Variants in KALRN observed in about 807,000 individuals in gnomAD.
KALRN encodes kalirin.
Under a neutral mutation model 353.7 loss-of-function variants are expected in KALRN, and 70 were observed. The ratio of observed to expected loss-of-function variants is 0.20; its 90% confidence interval spans 0.16 to 0.24. The LOEUF (loss-of-function observed/expected upper bound fraction) is 0.24, where lower values mean the gene tolerates loss of function less well. KALRN is among the 10% of genes least tolerant of loss of function. The pLI is 1.00. For missense variants in KALRN, 2,791 were observed against 3,756.7 expected, an observed-to-expected ratio of 0.74 and a Z score of 6.72; for synonymous variants, 1,391 against 1,434.8, an observed-to-expected ratio of 0.97 and a Z score of 0.69.
At chr3:124,314,530 T>C (rs1241047324) in intron 6 of KALRN, among the ~76,000 whole-genome samples, 2 of 152,052 alleles carry the variant, frequency 1.3e-5, no homozygotes, top group Non-Finnish European at 2.9e-5. Context: ...ATCTGGGTAA[T>C]TTATAAAGAG....
intron 34 of KALRN, among the ~76,000 whole-genome samples, chr3:124,567,981 A>G (rs952793108): frequency 6.1e-5 from 9 of 148,448 alleles, no homozygotes; most frequent in East Asian, 1.9e-4. Flanking sequence ...TCTCAGGGGG[A>G]AAAAAAAAGA....
At chr3:124,659,332 CT>C in intron 42 of KALRN, 32 bp from the exon 43 acceptor site, 1 of 1,490,524 alleles carries the variant, frequency 6.7e-7, no homozygotes, top group Non-Finnish European at 9.4e-7. Flanking sequence ...TCTTCAGTTC[CT>C]TTTTCTTCTA....
chr3:124,244,509 T>A (rs1163681528), intron 3 of KALRN, among the ~76,000 whole-genome samples: 5 of 152,220 alleles, frequency 3.3e-5, no homozygotes, highest in Non-Finnish European at 7.3e-5. Context: ...AGTGCTAGGA[T>A]TACAGGCGTG....
At chr3:124,073,015 A>G (rs1426070081) in intron 1 of KALRN, among the ~76,000 whole-genome samples, 1 of 152,140 alleles carries the variant, frequency 6.6e-6, no homozygotes, top group Non-Finnish European at 1.5e-5. Flanking sequence ...CCTTGATTAC[A>G]TGTTCATCAT....
At chr3:124,561,644 G>A (rs769555185) in intron 33 of KALRN, among the ~76,000 whole-genome samples, 5 of 152,170 alleles carry the variant, frequency 3.3e-5, no homozygotes, top group Admixed American at 6.5e-5. Context: ...TATGGCCACT[G>A]GTGCAGAAAA....
At chr3:124,329,572 G>A (rs2080291463) in intron 7 of KALRN, among the ~76,000 whole-genome samples, 3 of 152,184 alleles carry the variant, frequency 2.0e-5, no homozygotes, top group Admixed American at 2.0e-4. Context: ...GGACATTACA[G>A]TTAGTGTGTA....
intron 5 of KALRN, among the ~76,000 whole-genome samples, 160 bp downstream of exon 5, chr3:124,269,415 A>G (rs963141077): frequency 6.6e-6 from 1 of 152,204 alleles, no homozygotes; most frequent in Non-Finnish European, 1.5e-5. Flanking sequence ...ACCCTTATAT[A>G]GTGTGTATTA....
intron 34 of KALRN, among the ~76,000 whole-genome samples, chr3:124,593,041 A>C (rs968243872): frequency 1.2e-4 from 19 of 152,154 alleles, no homozygotes; most frequent in African/African-American, 4.3e-4. Context: ...TGCTCTTCCC[A>C]GCGCAGGATT....
Position 124,176,372 on chromosome 3 carries a change from G to A in KALRN, c.74-51618G>A, listed in dbSNP as rs116825948. ...ACGCAGATTACCCACATGGTGATAC[G>A]TTTTTGGTGTCTTGTAAAATCCTGG... On this transcript the variant is annotated intron_variant, in intron 1 of 59. Coordinates refer to ENST00000682506, the MANE Select transcript of KALRN (RefSeq NM_001388419.1). Among the ~76,000 whole-genome samples the A allele has an allele frequency of 9.2e-3, 1,408 of 152,218 alleles. 21 individuals are homozygous for A. The highest frequency in any genetic ancestry group is 0.031 in the African/African-American group (1,297 of 41,514).
At chr3:124,297,107 T>C (rs1056291573) in intron 5 of KALRN, among the ~76,000 whole-genome samples, 1 of 152,228 alleles carries the variant, frequency 6.6e-6, no homozygotes, top group Non-Finnish European at 1.5e-5. Context: ...ATTTTAGTCA[T>C]TTTTGCCTCA....
At chr3:124,395,712 C>G (rs1378378806) in intron 12 of KALRN, among the ~76,000 whole-genome samples, 3 of 152,082 alleles carry the variant, frequency 2.0e-5, no homozygotes, top group Admixed American at 6.5e-5. Flanking sequence ...TATTTAACAT[C>G]TGGTCTTAGG....
intron 5 of KALRN, among the ~76,000 whole-genome samples, chr3:124,292,015 G>A (rs909051117): frequency 1.3e-5 from 2 of 152,156 alleles, no homozygotes; most frequent in African/African-American, 2.4e-5. Context: ...TGCAGGATAC[G>A]AAAGAGGTGA....
intron 3 of KALRN, among the ~76,000 whole-genome samples, chr3:124,248,469 G>T (rs1580007694): frequency 6.6e-6 from 1 of 152,164 alleles, no homozygotes; most frequent in South Asian, 2.1e-4. Context: ...ACCTGCGAGG[G>T]AACTAGCAGT....
chr3:124,216,055 C>T, intron 1 of KALRN, among the ~76,000 whole-genome samples: 1 of 152,168 alleles, frequency 6.6e-6, no homozygotes, highest in East Asian at 1.9e-4. Flanking sequence ...CTACAAAACT[C>T]ATTTTGTGTT....
chr3:124,723,227 T>G lies in KALRN; in HGVS notation c.*3757T>G, dbSNP rs1158196260. Reference sequence around the variant, plus strand: ...GATAAAGAAGTTCATTGCATTTAGATGTACTGATATTGCAGCATTTTTTCT... The same window carrying G: ...GATAAAGAAGTTCATTGCATTTAGAGGTACTGATATTGCAGCATTTTTTCT... On this transcript the variant is annotated 3_prime_UTR_variant, in exon 60 of 60. Transcript: ENST00000682506. 1 of 152,220 alleles carries G rather than the reference T, an allele frequency of 6.6e-6. No individual in the cohort carries two copies. The highest frequency in any genetic ancestry group is 1.5e-5 in the Non-Finnish European group (1 of 68,032). 9.4% of individuals were successfully genotyped at this position (152,220 alleles called of 1,614,324 possible).
chr3:124,629,335 T>C (rs1358576898), intron 34 of KALRN, among the ~76,000 whole-genome samples: 4 of 152,176 alleles, frequency 2.6e-5, no homozygotes, highest in Non-Finnish European at 2.9e-5. Flanking sequence ...CGCAGGGCTG[T>C]GCTGTATATA....
At chr3:124,427,101 C>T (rs919476646) in intron 15 of KALRN, among the ~76,000 whole-genome samples, 1 of 152,258 alleles carries the variant, frequency 6.6e-6, no homozygotes, top group Middle Eastern at 3.4e-3. Context: ...TCCTTATTCT[C>T]CTGTGGAGAA....
chr3:124,207,609 G>C (rs1460132175), intron 1 of KALRN, among the ~76,000 whole-genome samples: 1 of 152,156 alleles, frequency 6.6e-6, no homozygotes, highest in East Asian at 1.9e-4. Context: ...CTTTGGAATA[G>C]GATAGACCCA....
rs142517645 is a variant in KALRN, at chr3:124,412,208, C to T, written c.2347-1262C>T. On this transcript the variant is annotated intron_variant, in intron 13 of 59. Transcript: ENST00000682506. ...AGCACCGCTCCCACTTGCTTCAATCCATCGTCTGTCTCCCTGTGTCCCTGA... is the reference window on the plus strand; with the variant it reads ...AGCACCGCTCCCACTTGCTTCAATCTATCGTCTGTCTCCCTGTGTCCCTGA... 2.3e-3 allele frequency among the ~76,000 whole-genome samples: 357 copies of T among 152,270 alleles called. 1 individual carries two copies. Among genetic ancestry groups the T allele is most frequent in the African/African-American group, 8.4e-3 (348 of 41,552 alleles).
Sources: gnomAD v4.1 joint callset for allele counts (sites outside exome capture counted in the v4.1 genomes callset) on GRCh38, gnomAD v4.1.1 for gene constraint, MANE v1.5 for transcripts, NCBI Gene and HGNC (gene_info 2026-07-23, HGNC 2026-07-21) for gene names.